Variants in AZU1 observed in about 807,000 individuals in gnomAD.
AZU1 encodes the protein azurocidin 1, also known as azurocidin.
Under a neutral mutation model 17.8 loss-of-function variants are expected in AZU1, and 21 were observed. That is an observed-to-expected ratio of 1.18 (90% CI 0.84 to 1.70). AZU1 has a LOEUF of 1.70. Among genes scored for constraint, AZU1 ranks in the 40% most tolerant of loss-of-function variants. The pLI is 0.00. For synonymous variants in AZU1, 178 were observed against 155.2 expected (o/e 1.15, Z -1.09); for missense variants, 379 against 362.9 (o/e 1.04, Z -0.36).
Position 831,916 on chromosome 19 carries a change from C to G in AZU1, c.*39C>G. On this transcript the variant is annotated 3_prime_UTR_variant, in exon 5 of 5. Coordinates refer to ENST00000233997, the MANE Select transcript of AZU1 (RefSeq NM_001700.5). ...CTCCCATGGAGCCCAGCCCCGCCCT[C>G]CACACCTCCGGCGCTCCGCACCCAC... 6.3e-7 allele frequency: 1 copy of G among 1,586,846 alleles called. No homozygotes were observed. Among genetic ancestry groups the G allele is most frequent in the Non-Finnish European group, 8.6e-7 (1 of 1,164,072 alleles).
Position 828,216 on chromosome 19 carries a change from T to TC in AZU1, c.59-8dup, listed in dbSNP as rs753680041. 6 of 1,581,288 alleles carry TC rather than the reference T, an allele frequency of 3.8e-6. No homozygotes were observed. In the South Asian group the frequency reaches 4.6e-5, roughly 12 times the overall value. On this transcript the variant is annotated splice_polypyrimidine_tract_variant and intron_variant, in intron 1 of 4. Transcript: ENST00000233997. ...GATTCTTGGGGATCTCAGAGCTGTC[T>TC]CCCCCCGACCCAGGCTCCAGCCCCC... is the stretch of plus-strand genomic sequence containing the variant.
chr19:828,499 A>C, intron 2 of AZU1, 113 bp downstream of exon 2: 1 of 1,134,292 alleles, frequency 8.8e-7, no homozygotes, highest in Non-Finnish European at 1.2e-6. Flanking sequence ...GGGGATTGCA[A>C]AAGGAGGGGC....
chr19:830,581 C>A (rs2035274720), intron 3 of AZU1, 127 bp from the exon 4 acceptor site: 18 of 852,152 alleles, frequency 2.1e-5, no homozygotes, highest in Non-Finnish European at 3.1e-5. Flanking sequence ...CACCCGGCCC[C>A]TGCCGGGAAT....
chr19:829,954 G>A (rs1233935618), intron 3 of AZU1, among the ~76,000 whole-genome samples: 2 of 151,350 alleles, frequency 1.3e-5, no homozygotes, highest in East Asian at 1.9e-4. Context: ...GTGTGTGTGT[G>A]TGTGTGTGTG....
chr19:830,199 G>C (rs530991615), intron 3 of AZU1, among the ~76,000 whole-genome samples: 1 of 152,200 alleles, frequency 6.6e-6, no homozygotes, highest in South Asian at 2.1e-4. Context: ...GGCGGAGCTT[G>C]CAGTGAGCCG....
intron 2 of AZU1, 144 bp from the exon 3 acceptor site, chr19:829,418 C>G: frequency 8.4e-7 from 1 of 1,186,000 alleles, no homozygotes; most frequent in Non-Finnish European, 1.2e-6. Context: ...AGTCTCGGCT[C>G]TGCTTCTGTA....
At chr19:831,564 T>G in intron 4 of AZU1, 152 bp from the exon 5 acceptor site, 1 of 911,644 alleles carries the variant, frequency 1.1e-6, no homozygotes, top group South Asian at 2.0e-5. Context: ...CCACTAGCAG[T>G]TAACCAGGGC....
In AZU1 at chr19:830,867, G is replaced by A. The variant is rs753236836; in HGVS notation, c.520G>A (p.Val174Met). 3.6e-5 allele frequency: 58 copies of A among 1,607,386 alleles called. No individual in the cohort carries two copies. The highest frequency in any genetic ancestry group is 4.7e-5 in the Non-Finnish European group (56 of 1,179,978). ...TTTTCCCAGGTTTGTCAACGTGACT[G>A]TGACCCCCGAGGACCAGTGTCGCCC... ...SRFPRFVNVTVTPEDQCRPNN... is the reference protein window; with the variant it reads ...SRFPRFVNVTMTPEDQCRPNN... Residue 174 changes from valine (V) to methionine (M), a missense_variant, in exon 4 of 5, where the codon GTG becomes ATG. Physicochemically the swap from Val to Met is conservative, Grantham distance 21 (BLOSUM62 1). Transcript: ENST00000233997.
At position 831,708 on chromosome 19, in the gene AZU1, C is replaced by T. The variant is rs2035289714; in HGVS notation, c.595-8C>T. ...TGGGACGCCCTGACACAGCTGCTGC[C>T]TGCCCAGGGGGACGGGGGCACCCCC... On this transcript the variant is annotated splice_polypyrimidine_tract_variant and splice_region_variant and intron_variant, in intron 4 of 4. Coordinates refer to ENST00000233997, the MANE Select transcript of AZU1 (RefSeq NM_001700.5). 3.1e-6 allele frequency: 5 copies of T among 1,594,164 alleles called. No individual in the cohort carries two copies. Among genetic ancestry groups the T allele is most frequent in the Non-Finnish European group, 4.3e-6 (5 of 1,171,378 alleles).
At position 828,219 on chromosome 19, in the gene AZU1, C is replaced by A; in HGVS notation, c.59-11C>A. ...TCTTGGGGATCTCAGAGCTGTCTCC[C>A]CCCGACCCAGGCTCCAGCCCCCTTT... On this transcript the variant is annotated splice_polypyrimidine_tract_variant and intron_variant, in intron 1 of 4. Transcript: ENST00000233997. The A allele has an allele frequency of 2.5e-6, 4 of 1,591,302 alleles. No individual in the cohort carries two copies. Among genetic ancestry groups the A allele is most frequent in the Non-Finnish European group, 3.4e-6 (4 of 1,171,138 alleles).
At position 830,952 on chromosome 19, in the gene AZU1, C is replaced by CCTGTGG. The variant is rs1326163143; in HGVS notation, c.594+13_594+18dup. The CCTGTGG allele has an allele frequency of 6.3e-7, 1 of 1,598,030 alleles. No homozygotes were observed. On this transcript the variant is annotated intron_variant, in intron 4 of 4. Transcript: ENST00000233997. ...GGTGGCATCTGCAATGTGAGTGCTC[C>CCTGTGG]CTGTGGCGGGAGGAGGGGTCCTGAG...
intron 2 of AZU1, 59 bp from the exon 3 acceptor site, chr19:829,503 C>T: frequency 6.3e-7 from 1 of 1,588,170 alleles, no homozygotes; most frequent in Non-Finnish European, 8.6e-7. Context: ...AGCCGGCTTG[C>T]TCTGTGCCCA....
chr19:829,614 G>A lies in AZU1; in HGVS notation c.268G>A (p.Glu90Lys). The A allele has an allele frequency of 2.5e-6, 4 of 1,613,358 alleles. No homozygotes were observed. Among genetic ancestry groups the A allele is most frequent in the African/African-American group, 2.7e-5 (2 of 75,008 alleles). The stretch of plus-strand genomic sequence containing the variant: ...GGGTGCCTATGACCTGAGGCGGCGG[G>A]AGAGGCAGTCCCGCCAGACGTTTTC... ...VLGAYDLRRR[E>K]RQSRQTFSIS... The change falls in exon 3 of 5, where the codon GAG becomes AAG. Residue 90 changes from glutamate to lysine, a missense_variant. Coordinates refer to ENST00000233997, the MANE Select transcript of AZU1 (RefSeq NM_001700.5).
intron 4 of AZU1, chr19:831,432 G>C: frequency 2.2e-6 from 1 of 451,580 alleles, no homozygotes; most frequent in African/African-American, 2.0e-5. Context: ...CTGGGGGTTG[G>C]GGACCCAGCA....
intron 4 of AZU1, 44 bp from the exon 5 acceptor site, chr19:831,672 G>T (rs760829690): frequency 2.6e-6 from 4 of 1,533,574 alleles, no homozygotes; most frequent in Non-Finnish European, 3.5e-6. Context: ...GGTGGCGTGG[G>T]AGCCAGGCCC....
intron 2 of AZU1, among the ~76,000 whole-genome samples, chr19:829,320 G>C (rs1327816201): frequency 6.6e-6 from 1 of 151,404 alleles, no homozygotes; most frequent in Admixed American, 6.6e-5. Flanking sequence ...CTCAGATGGA[G>C]GAGGGGGCGC....
At position 828,327 on chromosome 19, in the gene AZU1, C is replaced by T. The variant is rs776408993; in HGVS notation, c.156C>T (p.Cys52=). Residue 52 remains cysteine (C), a synonymous_variant, in exon 2 of 5, where the codon TGC becomes TGT. Coordinates refer to ENST00000233997, the MANE Select transcript of AZU1 (RefSeq NM_001700.5). ...ASIQNQGRHF[C]GGALIHARFV... ...TTCAGAATCAAGGCAGGCACTTCTG[C>T]GGGGGTGCCCTGATCCATGCCCGCT... is the stretch of plus-strand genomic sequence containing the variant. The T allele has an allele frequency of 1.9e-5, 31 of 1,610,378 alleles. No homozygotes were observed. The highest frequency in any genetic ancestry group is 1.6e-4 in the Middle Eastern group (1 of 6,068).
chr19:829,194 G>T (rs1198218880), intron 2 of AZU1, among the ~76,000 whole-genome samples: 1 of 33,316 alleles, frequency 3.0e-5, no homozygotes, highest in African/African-American at 2.8e-4. Flanking sequence ...TGGGGGAGGT[G>T]CAGAGAAGGG....
At chr19:829,809 C>G (rs1204896495) in intron 3 of AZU1, 103 bp downstream of exon 3, 54 of 1,446,026 alleles carry the variant, frequency 3.7e-5, no homozygotes, top group Non-Finnish European at 4.9e-5. Flanking sequence ...CAAAAATTAG[C>G]CGGGAGTGGT....
Sources: gnomAD v4.1 joint callset for allele counts (sites outside exome capture counted in the v4.1 genomes callset) on GRCh38, gnomAD v4.1.1 for gene constraint, MANE v1.5 for transcripts, NCBI Gene and HGNC (gene_info 2026-07-23, HGNC 2026-07-21) for gene names.